The following NSD1 variants were observed in gnomAD, a reference collection of about 807,000 sequenced individuals.
The protein encoded by NSD1 is histone-lysine N-methyltransferase, H3 lysine-36 specific.
In NSD1, 26 loss-of-function variants were observed where a neutral mutation model predicts 242.7. The ratio of observed to expected loss-of-function variants is 0.11; its 90% CI spans 0.08 to 0.15. NSD1 has a LOEUF of 0.15. Ranked by LOEUF, NSD1 falls within the 10% of genes least tolerant of loss-of-function variation. NSD1 has a pLI of 1.00. For missense variants in NSD1, 2,495 were observed against 3,272.8 expected, an observed-to-expected ratio of 0.76 and a Z score of 5.80; for synonymous variants, 1,106 against 1,178.1, an observed-to-expected ratio of 0.94 and a Z score of 1.25.
chr5:177,197,126 T>C (rs987229428), intron 3 of NSD1, among the ~76,000 whole-genome samples: 1 of 151,780 alleles, frequency 6.6e-6, no homozygotes, highest in African/African-American at 2.4e-5. Flanking sequence ...AAAAATTAGC[T>C]GGGCGTGGTG....
At chr5:177,262,307 A>G (rs1757056846) in intron 14 of NSD1, among the ~76,000 whole-genome samples, 1 of 152,110 alleles carries the variant, frequency 6.6e-6, no homozygotes, top group African/African-American at 2.4e-5. Context: ...CTTTCTTAAG[A>G]TATCACTAAA....
intron 5 of NSD1, among the ~76,000 whole-genome samples, chr5:177,229,308 G>A (rs1416679024): frequency 1.3e-5 from 2 of 152,144 alleles, no homozygotes; most frequent in Non-Finnish European, 2.9e-5. Flanking sequence ...TCACAATACA[G>A]TGACATTTTG....
chr5:177,141,267 G>T (rs959459131), intron 2 of NSD1, among the ~76,000 whole-genome samples: 1 of 143,688 alleles, frequency 7.0e-6, no homozygotes, highest in Admixed American at 7.1e-5. Context: ...TGATCCACCC[G>T]CCTTGGCCTC....
intron 2 of NSD1, among the ~76,000 whole-genome samples, chr5:177,179,167 A>G (rs1760452411): frequency 6.6e-6 from 1 of 152,054 alleles, no homozygotes; most frequent in Non-Finnish European, 1.5e-5. Flanking sequence ...TCAGATTAGG[A>G]AGGGCTTTAT....
At chr5:177,290,045 G>C (rs1016888899) in intron 21 of NSD1, among the ~76,000 whole-genome samples, 2 of 151,672 alleles carry the variant, frequency 1.3e-5, no homozygotes, top group East Asian at 3.9e-4. Flanking sequence ...AGCCAGGTTG[G>C]TCTCGATCTC....
At chr5:177,272,854 A>G (rs569056837) in intron 16 of NSD1, among the ~76,000 whole-genome samples, 35 of 152,204 alleles carry the variant, frequency 2.3e-4, no homozygotes, top group African/African-American at 8.2e-4. Context: ...TTGCACTCCA[A>G]CCAGAGTGTT....
chr5:177,265,832 T>C lies in NSD1; in HGVS notation c.5147-1730T>C, dbSNP rs1417822331. The C allele has an allele frequency of 3.6e-6, 5 of 1,397,390 alleles. No homozygotes were observed. The African/African-American group carries it at 5.7e-5, about 16-fold the overall frequency. 86.6% of individuals were successfully genotyped at this position (1,397,390 alleles called of 1,614,324 possible). On this transcript the variant is annotated intron_variant, in intron 14 of 22. Coordinates refer to ENST00000439151, the MANE Select transcript of NSD1 (RefSeq NM_022455.5). ...GCAGTGCGTAAACTCGATGTTGAAG[T>C]AGGCCACCTGGGTGTGCACGTAGTC...
chr5:177,160,178 A>G (rs1758626105), intron 2 of NSD1, among the ~76,000 whole-genome samples: 1 of 152,144 alleles, frequency 6.6e-6, no homozygotes, highest in Non-Finnish European at 1.5e-5. Context: ...GGCATGAGCT[A>G]CTGTACCCGG....
At chr5:177,180,649 CTT>C (rs1223584787) in intron 2 of NSD1, among the ~76,000 whole-genome samples, 1 of 151,806 alleles carries the variant, frequency 6.6e-6, no homozygotes, top group Non-Finnish European at 1.5e-5. Flanking sequence ...CCTGGTATCT[CTT>C]GTTTTTCTTT....
chr5:177,256,990 A>G lies in NSD1; in HGVS notation c.4805A>G (p.Asp1602Gly), dbSNP rs1402802397. Residue 1602 changes from aspartate to glycine, a missense_variant, in exon 13 of 23, where the codon GAT becomes GGT. Physicochemically the swap from Asp to Gly is moderately conservative, Grantham distance 94. Transcript: ENST00000439151. ...TCFVCKQSGE[D>G]VKRCLLPLCG... Reference sequence around the variant, plus strand: ...TTTGTATGTAAGCAGAGTGGGGAAGATGTTAAAAGGTGCCTTCTACCCTTG... The same window carrying G: ...TTTGTATGTAAGCAGAGTGGGGAAGGTGTTAAAAGGTGCCTTCTACCCTTG... 6.2e-7 allele frequency: 1 copy of G among 1,614,100 alleles called. No homozygotes were observed. Among genetic ancestry groups the G allele is most frequent in the Non-Finnish European group, 8.5e-7 (1 of 1,180,010 alleles).
rs34848476 is a variant in NSD1 at position 177,181,427 on chromosome 5, G to GTTTTTTTTT, written c.928-10447_928-10439dup. 1.2e-3 allele frequency among the ~76,000 whole-genome samples: 139 copies of GTTTTTTTTT among 117,316 alleles called. 1 individual carries two copies. The highest frequency in any genetic ancestry group is 3.9e-3 in the African/African-American group (107 of 27,202). The allele number at this position is 117,316 out of a possible 152,430, so 77.0% of individuals were successfully genotyped here. On this transcript the variant is annotated intron_variant, in intron 2 of 22. Transcript: ENST00000439151. ...AAACTTCATTATGGGTTTTTTTTTGGTTTTTTTTTTTTTTTTTTGGCAGGT... is the reference window on the plus strand; with the variant it reads ...AAACTTCATTATGGGTTTTTTTTTGGTTTTTTTTTTTTTTTTTTTTTTTTTTTGGCAGGT...
In NSD1 at chr5:177,135,230, C is replaced by T; in HGVS notation, c.127C>T (p.Leu43Phe). 1 of 1,613,662 alleles carries T rather than the reference C, an allele frequency of 6.2e-7. No individual in the cohort carries two copies. The highest frequency in any genetic ancestry group is 8.5e-7 in the Non-Finnish European group (1 of 1,179,556). ...TGGTCAATCCAATTTTTCTGAGCCA[C>T]TTAATGGGTGTACTATGCAGTTATC... ...GNGQSNFSEP[L>F]NGCTMQLSTV... The change falls in exon 2 of 23, where the codon CTT becomes TTT. Residue 43 changes from leucine (L) to phenylalanine (F), a missense_variant. Transcript: ENST00000439151.
chr5:177,193,750 C>T (rs1263806222), intron 3 of NSD1, among the ~76,000 whole-genome samples: 1 of 152,108 alleles, frequency 6.6e-6, no homozygotes, highest in African/African-American at 2.4e-5. Context: ...AACAGGCAAC[C>T]AATTGATATT....
At chr5:177,261,050 A>G (rs912408659) in intron 14 of NSD1, among the ~76,000 whole-genome samples, 1 of 152,014 alleles carries the variant, frequency 6.6e-6, no homozygotes. Context: ...TAGAGGAAAG[A>G]TAAATTTTCT....
chr5:177,142,574 G>C (rs937986587), intron 2 of NSD1, among the ~76,000 whole-genome samples: 6 of 152,182 alleles, frequency 3.9e-5, no homozygotes, highest in Non-Finnish European at 2.9e-5. Flanking sequence ...AGCTATCTGG[G>C]AGGAGTGGGG....
chr5:177,196,271 A>G (rs900007584), intron 3 of NSD1, among the ~76,000 whole-genome samples: 2 of 152,208 alleles, frequency 1.3e-5, no homozygotes, highest in African/African-American at 2.4e-5. Flanking sequence ...AACAATGTAT[A>G]TAATTAAAAA....
chr5:177,141,622 G>A (rs567144957), intron 2 of NSD1, among the ~76,000 whole-genome samples: 10 of 152,030 alleles, frequency 6.6e-5, no homozygotes, highest in African/African-American at 1.7e-4. Flanking sequence ...GAGCCACCAC[G>A]ACCTGCATAC....
At chr5:177,179,037 C>T (rs903914541) in intron 2 of NSD1, among the ~76,000 whole-genome samples, 7 of 152,174 alleles carry the variant, frequency 4.6e-5, no homozygotes, top group Middle Eastern at 3.4e-3. Flanking sequence ...GAAAATGAAG[C>T]GTGCCTTAGA....
At chr5:177,217,858 C>T (rs558692056) in intron 5 of NSD1, among the ~76,000 whole-genome samples, 4 of 151,484 alleles carry the variant, frequency 2.6e-5, no homozygotes, top group Admixed American at 6.6e-5. Flanking sequence ...TTAGTGGAGA[C>T]GGGGTTTCAC....
Sources: allele counts gnomAD v4.1 joint callset (sites outside exome capture counted in the v4.1 genomes callset), GRCh38; gene constraint gnomAD v4.1.1; transcripts MANE v1.5; gene names NCBI Gene and HGNC (gene_info 2026-07-23, HGNC 2026-07-21).